The following BACH2 variants were observed in gnomAD, a reference collection of about 807,000 sequenced individuals.
BACH2 encodes the protein BACH transcriptional regulator 2.
A neutral mutation model predicts 61.8 loss-of-function variants in BACH2; 5 were observed. The ratio of observed to expected loss-of-function variants is 0.08; its 90% confidence interval spans 0.04 to 0.17. The LOEUF (loss-of-function observed/expected upper bound fraction) is 0.17. Ranked by LOEUF, BACH2 falls within the 10% of genes least tolerant of loss-of-function variation. The pLI, the probability that BACH2 is intolerant of heterozygous loss-of-function variation, is 1.00. For missense variants in BACH2, 824 were observed against 1,091.1 expected (o/e 0.76, Z 3.45); for synonymous variants, 446 against 440.1 (o/e 1.01, Z -0.17).
intron 5 of BACH2, among the ~76,000 whole-genome samples, chr6:90,033,399 A>G (rs1437747538): frequency 6.6e-6 from 1 of 151,782 alleles, no homozygotes; most frequent in African/African-American, 2.4e-5. Context: ...AAGGCCACAG[A>G]GCAACTTTTC....
At chr6:90,115,137 C>A (rs935042633) in intron 4 of BACH2, among the ~76,000 whole-genome samples, 2 of 152,098 alleles carry the variant, frequency 1.3e-5, no homozygotes, top group South Asian at 4.1e-4. Flanking sequence ...TATCAAGCTA[C>A]CAATGATATT....
intron 4 of BACH2, among the ~76,000 whole-genome samples, chr6:90,192,435 C>T (rs1768607396): frequency 6.6e-6 from 1 of 151,930 alleles, no homozygotes; most frequent in African/African-American, 2.4e-5. Flanking sequence ...TAGTCACTTA[C>T]AAAACCCACG....
In BACH2 at chr6:90,287,530, G is replaced by A. The variant is rs571891580; in HGVS notation, c.-446+8950C>T. The stretch of plus-strand genomic sequence containing the variant: ...AATAACATACCATCTTGCTATAGAG[G>A]TTTATGTGATCAACTCCAATGTACG... On this transcript the variant is annotated intron_variant, in intron 1 of 8. Coordinates refer to ENST00000257749, the MANE Select transcript of BACH2 (RefSeq NM_021813.4). Among the ~76,000 whole-genome samples the A allele has an allele frequency of 5.3e-5, 8 of 152,274 alleles. No homozygotes were observed. In the South Asian group the frequency reaches 1.7e-3, roughly 32 times the overall value.
intron 5 of BACH2, among the ~76,000 whole-genome samples, chr6:90,044,123 G>T (rs1779671171): frequency 6.6e-6 from 1 of 152,150 alleles, no homozygotes; most frequent in Non-Finnish European, 1.5e-5. Flanking sequence ...TTCCATTGGA[G>T]AAAAGGGCAA....
chr6:90,044,556 C>T (rs1359624327), intron 5 of BACH2, among the ~76,000 whole-genome samples: 3 of 152,200 alleles, frequency 2.0e-5, no homozygotes, highest in African/African-American at 7.2e-5. Context: ...ATTCCTTTGG[C>T]TTCCATATGG....
rs1223800738 is a variant in BACH2, at chr6:89,962,285, T to G, written c.244-10423A>C. ...GCTTCCTTTCCCTTTTCCAAGTTTT[T>G]TCTCACTTTTCAGTCTTATGGTCAT... On this transcript the variant is annotated intron_variant, in intron 6 of 8. Transcript: ENST00000257749. Among the ~76,000 whole-genome samples the G allele has an allele frequency of 6.6e-5, 10 of 152,168 alleles. No homozygotes were observed. The South Asian group carries it at 2.1e-3, about 32-fold the overall frequency.
At chr6:90,281,617 CAT>C (rs2127886944) in intron 1 of BACH2, among the ~76,000 whole-genome samples, 1 of 152,086 alleles carries the variant, frequency 6.6e-6, no homozygotes, top group South Asian at 2.1e-4. Context: ...CCCTAAATAA[CAT>C]ATTTAGTTTT....
intron 2 of BACH2, among the ~76,000 whole-genome samples, chr6:90,264,663 T>C (rs1414204408): frequency 2.0e-5 from 3 of 152,196 alleles, no homozygotes; most frequent in Non-Finnish European, 4.4e-5. Context: ...TTGACTCAAT[T>C]TGCACATCCT....
At chr6:89,983,328 C>G (rs1776058792) in intron 6 of BACH2, among the ~76,000 whole-genome samples, 1 of 152,172 alleles carries the variant, frequency 6.6e-6, no homozygotes, top group Admixed American at 6.5e-5. Context: ...AACTTGTACT[C>G]CAGTCCTGCA....
At chr6:90,127,462 A>G (rs1783904128) in intron 4 of BACH2, among the ~76,000 whole-genome samples, 1 of 152,206 alleles carries the variant, frequency 6.6e-6, no homozygotes, top group Non-Finnish European at 1.5e-5. Context: ...GCTGTTTATT[A>G]TACCGCCTTG....
At position 89,932,523 on chromosome 6, in the gene BACH2, A is replaced by G. The variant is rs968647499; in HGVS notation, c.2411T>C (p.Phe804Ser). 6.2e-6 allele frequency: 10 copies of G among 1,613,924 alleles called. No homozygotes were observed. Among genetic ancestry groups the G allele is most frequent in the Non-Finnish European group, 7.6e-6 (9 of 1,179,996 alleles). Residue 804 changes from phenylalanine to serine, a missense_variant, in exon 9 of 9, where the codon TTC becomes TCC. Physicochemically the swap from Phe to Ser is radical, Grantham distance 155. Coordinates refer to ENST00000257749, the MANE Select transcript of BACH2 (RefSeq NM_021813.4). The stretch of plus-strand genomic sequence containing the variant: ...TTCAAGAGGAGGTCCTCTCTCTGAG[A>G]AGGTTCCCGGGTCAGTGCCTTCTAG... ...RRLEGTDPGT[F>S]SERGPPLEPR...
chr6:90,054,490 G>A (rs558956366), intron 5 of BACH2, among the ~76,000 whole-genome samples: 1 of 152,350 alleles, frequency 6.6e-6, no homozygotes, highest in Admixed American at 6.5e-5. Context: ...CGAACTGGGT[G>A]GAGCCCACCA....
chr6:90,137,016 T>G (rs1004639653), intron 4 of BACH2, among the ~76,000 whole-genome samples: 2 of 152,088 alleles, frequency 1.3e-5, no homozygotes, highest in Admixed American at 6.5e-5. Context: ...GCAGTCCTGG[T>G]AGCATGTCAT....
intron 4 of BACH2, among the ~76,000 whole-genome samples, chr6:90,092,291 A>AAAAAAAAAAAAAAAAAATATATAT: frequency 2.6e-5 from 3 of 113,840 alleles, no homozygotes; most frequent in African/African-American, 7.2e-5. Flanking sequence ...AAAAAAAAAA[A>AAAAAAAAAAAAAAAAAATATATAT]ATATATATAT....
chr6:90,109,708 G>A (rs1210834022), intron 4 of BACH2, among the ~76,000 whole-genome samples: 2 of 152,006 alleles, frequency 1.3e-5, no homozygotes, highest in African/African-American at 2.4e-5. Context: ...CAGCTGCTTG[G>A]GACAAATATC....
chr6:90,098,933 G>T (rs537955667), intron 4 of BACH2, among the ~76,000 whole-genome samples: 1 of 152,312 alleles, frequency 6.6e-6, no homozygotes, highest in East Asian at 1.9e-4. Flanking sequence ...ATGACATGCT[G>T]GCTCTACCCC....
intron 5 of BACH2, among the ~76,000 whole-genome samples, chr6:90,074,408 G>A (rs1055461711): frequency 2.6e-5 from 4 of 152,100 alleles, no homozygotes; most frequent in South Asian, 2.1e-4. Flanking sequence ...TTACTGAAGC[G>A]CTGGGAACTC....
intron 2 of BACH2, among the ~76,000 whole-genome samples, chr6:90,269,527 C>T (rs1771452198): frequency 6.6e-6 from 1 of 152,168 alleles, no homozygotes; most frequent in Admixed American, 6.5e-5. Context: ...GAATGAAATG[C>T]TTTACAACTC....
intron 6 of BACH2, among the ~76,000 whole-genome samples, chr6:89,992,086 C>T (rs1480543619): frequency 6.6e-6 from 1 of 152,188 alleles, no homozygotes; most frequent in African/African-American, 2.4e-5. Context: ...CAGAGTCTCA[C>T]TCCTATCCCA....
Sources: allele counts gnomAD v4.1 joint callset (sites outside exome capture counted in the v4.1 genomes callset), GRCh38; gene constraint gnomAD v4.1.1; transcripts MANE v1.5; gene names NCBI Gene and HGNC (gene_info 2026-07-23, HGNC 2026-07-21).